The following XKR4 variants were observed in gnomAD, a reference collection of about 807,000 sequenced individuals.
XKR4 encodes the protein XK-related protein 4.
A neutral mutation model predicts 53.9 loss-of-function variants in XKR4; 12 were observed. The observed-to-expected ratio is 0.22, with a 90% confidence interval of 0.14 to 0.36. The LOEUF is 0.36. XKR4 is among the 10% of genes least tolerant of loss of function. The pLI, the probability that XKR4 is intolerant of heterozygous loss-of-function variation, is 1.00. For missense variants in XKR4, 799 were observed against 859.5 expected (o/e 0.93, Z 0.88); for synonymous variants, 354 against 362.4 (o/e 0.98, Z 0.26).
intron 1 of XKR4, among the ~76,000 whole-genome samples, chr8:55,267,305 A>G (rs1177957011): frequency 2.6e-5 from 4 of 152,368 alleles, no homozygotes; most frequent in Non-Finnish European, 5.9e-5. Flanking sequence ...CCAGTCTAGT[A>G]AGTAACATTT....
chr8:55,140,224 A>G, intron 1 of XKR4: 2 of 388,688 alleles, frequency 5.1e-6, no homozygotes, highest in Non-Finnish European at 1.0e-5. Context: ...ACTCTAATAA[A>G]TAATGATTAG....
intron 2 of XKR4, among the ~76,000 whole-genome samples, chr8:55,413,600 A>ATCCTTTAAATG (rs1250077781): frequency 6.6e-6 from 1 of 152,228 alleles, no homozygotes; most frequent in Non-Finnish European, 1.5e-5. Context: ...GCAAAAGAGC[A>ATCCTTTAAATG]TCCTTTAAAT....
intron 2 of XKR4, among the ~76,000 whole-genome samples, chr8:55,414,854 A>G (rs1204123519): frequency 6.6e-6 from 1 of 152,200 alleles, no homozygotes; most frequent in African/African-American, 2.4e-5. Flanking sequence ...CCTTCTATCT[A>G]TTATTAAGGA....
intron 1 of XKR4, among the ~76,000 whole-genome samples, chr8:55,344,238 T>C (rs750864222): frequency 1.3e-5 from 2 of 152,214 alleles, no homozygotes; most frequent in South Asian, 2.1e-4. Flanking sequence ...TAAACATCCA[T>C]AAATCTGCTA....
At chr8:55,245,877 T>C (rs1283247358) in intron 1 of XKR4, among the ~76,000 whole-genome samples, 1 of 152,166 alleles carries the variant, frequency 6.6e-6, no homozygotes, top group Non-Finnish European at 1.5e-5. Context: ...GGTGGATTAC[T>C]TGAAGCCAGG....
In XKR4 at chr8:55,448,819, G is replaced by A. The variant is rs149949626; in HGVS notation, c.1007-74462G>A. On this transcript the variant is annotated intron_variant, in intron 2 of 2. Transcript: ENST00000327381. ...GTGCATTATGTCTATTCCTAGCTTC[G>A]TAAAGAACCATGGTGAACCAGTCAA... Among the ~76,000 whole-genome samples the A allele has an allele frequency of 1.4e-4, 21 of 152,206 alleles. No homozygotes were observed. The East Asian group carries it at 3.7e-3, about 27-fold the overall frequency.
At chr8:55,401,572 C>T (rs939905280) in intron 2 of XKR4, among the ~76,000 whole-genome samples, 1 of 152,260 alleles carries the variant, frequency 6.6e-6, no homozygotes, top group Non-Finnish European at 1.5e-5. Flanking sequence ...TGGGGATTAG[C>T]ATGATCTGCG....
At chr8:55,453,882 C>T (rs913439493) in intron 2 of XKR4, 2 of 574,038 alleles carry the variant, frequency 3.5e-6, no homozygotes, top group Non-Finnish European at 6.7e-6. Flanking sequence ...CAGTACGGGA[C>T]CCCACACTCC....
chr8:55,305,711 G>A (rs1819286963), intron 1 of XKR4, among the ~76,000 whole-genome samples: 1 of 152,126 alleles, frequency 6.6e-6, no homozygotes, highest in Admixed American at 6.5e-5. Context: ...TGATGCTGGT[G>A]ATGTTGGGGA....
At chr8:55,296,219 G>T (rs1177762664) in intron 1 of XKR4, among the ~76,000 whole-genome samples, 1 of 152,088 alleles carries the variant, frequency 6.6e-6, no homozygotes, top group Non-Finnish European at 1.5e-5. Flanking sequence ...AGAGGTGGGG[G>T]CATATTCTTT....
intron 2 of XKR4, among the ~76,000 whole-genome samples, chr8:55,429,330 A>T (rs1451454076): frequency 2.0e-5 from 3 of 152,244 alleles, no homozygotes; most frequent in Non-Finnish European, 2.9e-5. Flanking sequence ...CCTTTAGAAG[A>T]TAATACTGAT....
At position 55,532,284 on chromosome 8, in the gene XKR4, C is replaced by T. The variant is rs1806964769; in HGVS notation, c.*8057C>T. 1 of 152,146 alleles carries T rather than the reference C, an allele frequency of 6.6e-6. No homozygotes were observed. Among genetic ancestry groups the T allele is most frequent in the Admixed American group, 6.5e-5 (1 of 15,276 alleles). 9.4% of individuals were successfully genotyped at this position (152,146 alleles called of 1,614,324 possible). On this transcript the variant is annotated 3_prime_UTR_variant, in exon 3 of 3. Coordinates refer to ENST00000327381, the MANE Select transcript of XKR4 (RefSeq NM_052898.2). ...AGGTTCATGCCACCATTACCACATT[C>T]CTTACTACAATTATTGCTATTTTAG...
chr8:55,205,025 G>A (rs77743221), intron 1 of XKR4, among the ~76,000 whole-genome samples: 16 of 152,276 alleles, frequency 1.1e-4, no homozygotes, highest in African/African-American at 3.1e-4. Flanking sequence ...AATTGCTGCC[G>A]ACGAACTGTG....
At chr8:55,333,479 C>G (rs1044649469) in intron 1 of XKR4, among the ~76,000 whole-genome samples, 13 of 152,094 alleles carry the variant, frequency 8.5e-5, no homozygotes, top group Admixed American at 5.2e-4. Context: ...TTCTGATTCC[C>G]CCATATACAT....
chr8:55,437,774 A>C (rs1190483942), intron 2 of XKR4, among the ~76,000 whole-genome samples: 2 of 152,206 alleles, frequency 1.3e-5, no homozygotes, highest in South Asian at 4.1e-4. Flanking sequence ...TGATTTAGAT[A>C]TGTGAACAAC....
chr8:55,480,517 C>T (rs1480875349), intron 2 of XKR4, among the ~76,000 whole-genome samples: 1 of 152,146 alleles, frequency 6.6e-6, no homozygotes, highest in Non-Finnish European at 1.5e-5. Flanking sequence ...TCTCTCACTA[C>T]TCCTATTCAA....
chr8:55,171,051 C>T (rs1039106744), intron 1 of XKR4, among the ~76,000 whole-genome samples: 2 of 152,122 alleles, frequency 1.3e-5, no homozygotes, highest in South Asian at 2.1e-4. Context: ...CTGGGAATAG[C>T]CAATATACTT....
At chr8:55,510,030 G>A in intron 2 of XKR4, among the ~76,000 whole-genome samples, 1 of 152,154 alleles carries the variant, frequency 6.6e-6, no homozygotes, top group East Asian at 1.9e-4. Context: ...GGAGTTAAGA[G>A]CAGAACCTAC....
intron 2 of XKR4, among the ~76,000 whole-genome samples, chr8:55,507,304 GA>G (rs1207970529): frequency 1.3e-5 from 2 of 152,012 alleles, no homozygotes; most frequent in Non-Finnish European, 2.9e-5. Context: ...TATAAAAGCT[GA>G]AAATAATTGA....
Sources: gnomAD v4.1 joint callset for allele counts (sites outside exome capture counted in the v4.1 genomes callset) on GRCh38, gnomAD v4.1.1 for gene constraint, MANE v1.5 for transcripts, NCBI Gene and HGNC (gene_info 2026-07-23, HGNC 2026-07-21) for gene names.